WFDC9: variants seen among roughly 807,000 people sequenced by gnomAD.
WFDC9 encodes the protein protein WFDC9.
In WFDC9, 9 loss-of-function variants were observed where a neutral mutation model predicts 9.5. The observed-to-expected ratio is 0.95, with a 90% CI of 0.57 to 1.65. The LOEUF (loss-of-function observed/expected upper bound fraction) is 1.65. Among genes scored for constraint, WFDC9 ranks in the 40% most tolerant of loss-of-function variants. WFDC9 has a pLI of 0.00. For synonymous variants in WFDC9, 33 were observed against 32.3 expected (o/e 1.02, Z -0.07); for missense variants, 87 against 106.7 (o/e 0.82, Z 0.81).
chr20:45,614,373 C>A (rs1401495123), intron 2 of WFDC9, among the ~76,000 whole-genome samples: 2 of 152,148 alleles, frequency 1.3e-5, no homozygotes, highest in Non-Finnish European at 2.9e-5. Context: ...TGCTCTCCAC[C>A]AATCTGGCTT....
intron 1 of WFDC9, chr20:45,629,786 A>C (rs763518488): frequency 6.2e-7 from 1 of 1,609,534 alleles, no homozygotes; most frequent in Admixed American, 1.7e-5. Context: ...ACCTGGCCAG[A>C]CATAGGGCTC....
intron 1 of WFDC9, among the ~76,000 whole-genome samples, chr20:45,621,409 A>G (rs990966855): frequency 1.3e-5 from 2 of 152,186 alleles, no homozygotes; most frequent in Admixed American, 6.5e-5. Flanking sequence ...ACTTCTCACT[A>G]TGCAAAATTG....
intron 1 of WFDC9, 65 bp downstream of exon 1, chr20:45,631,138 C>G: frequency 8.4e-7 from 1 of 1,192,154 alleles, no homozygotes; most frequent in Non-Finnish European, 1.1e-6. Flanking sequence ...GGAATGCCGC[C>G]CTCTCTACTG....
Position 45,631,248 on chromosome 20 carries a change from C to A in WFDC9, c.-198G>T. 1 of 375,020 alleles carries A rather than the reference C, an allele frequency of 2.7e-6. No individual in the cohort carries two copies. The highest frequency in any genetic ancestry group is 4.7e-6 in the Non-Finnish European group (1 of 214,538). 23.2% of individuals were successfully genotyped at this position (375,020 alleles called of 1,614,324 possible). On this transcript the variant is annotated 5_prime_UTR_variant, in exon 1 of 5. Coordinates refer to ENST00000326000, the MANE Select transcript of WFDC9 (RefSeq NM_147198.4). ...ATGATCATTGAGAGCTCACTGTGGC[C>A]CCTACAGATGCCCCACTTGTCTTGC...
At chr20:45,613,749 A>G (rs1981912492) in intron 2 of WFDC9, among the ~76,000 whole-genome samples, 1 of 152,156 alleles carries the variant, frequency 6.6e-6, no homozygotes, top group African/African-American at 2.4e-5. Flanking sequence ...CTAGCTAGCA[A>G]TGGCAAGATA....
intron 2 of WFDC9, among the ~76,000 whole-genome samples, chr20:45,610,709 G>A (rs1745044139): frequency 6.6e-6 from 1 of 152,124 alleles, no homozygotes; most frequent in Non-Finnish European, 1.5e-5. Context: ...ATTTAAGAGG[G>A]AATTACAGAT....
chr20:45,615,427 A>T (rs1303267168), intron 1 of WFDC9, among the ~76,000 whole-genome samples: 1 of 152,198 alleles, frequency 6.6e-6, no homozygotes, highest in East Asian at 1.9e-4. Flanking sequence ...GCCTGTCTGC[A>T]GGAATATTAT....
At position 45,619,003 on chromosome 20, in the gene WFDC9, G is replaced by T. The variant is rs144712328; in HGVS notation, c.-152-4282C>A. ...TGTTGAGTGCACTGAGGGGCAGGAA[G>T]TATATGTCTGGACTCCAGGGACTTG... is the stretch of plus-strand genomic sequence containing the variant. On this transcript the variant is annotated intron_variant, in intron 1 of 4. Coordinates refer to ENST00000326000, the MANE Select transcript of WFDC9 (RefSeq NM_147198.4). Among the ~76,000 whole-genome samples the T allele has an allele frequency of 4.0e-3, 603 of 152,304 alleles. 4 individuals are homozygous for T. Among genetic ancestry groups the T allele is most frequent in the African/African-American group, 0.013 (559 of 41,558 alleles).
At chr20:45,624,146 C>T (rs1458572446) in intron 1 of WFDC9, among the ~76,000 whole-genome samples, 1 of 152,134 alleles carries the variant, frequency 6.6e-6, no homozygotes, top group African/African-American at 2.4e-5. Flanking sequence ...GAGTCGAGAT[C>T]GTCCCACCGC....
In WFDC9 at chr20:45,608,231, C is replaced by A; in HGVS notation, c.240-91G>T. ...ATCCTAGGCCCCAGATGAAAAAGGACAGCAATTCTTCTGCTAAATCAGAAG... is the reference window on the plus strand; with the variant it reads ...ATCCTAGGCCCCAGATGAAAAAGGAAAGCAATTCTTCTGCTAAATCAGAAG... On this transcript the variant is annotated intron_variant, in intron 4 of 4. Transcript: ENST00000326000. The A allele has an allele frequency of 3.6e-6, 5 of 1,402,446 alleles. No individual in the cohort carries two copies. In the South Asian group the frequency reaches 6.2e-5, roughly 17 times the overall value. The allele number at this position is 1,402,446 out of a possible 1,614,324, so 86.9% of individuals were successfully genotyped here.
At chr20:45,620,012 C>T (rs759113217) in intron 1 of WFDC9, among the ~76,000 whole-genome samples, 5 of 151,662 alleles carry the variant, frequency 3.3e-5, no homozygotes, top group African/African-American at 7.3e-5. Flanking sequence ...GGTCACAGAG[C>T]GAGACTCTGT....
At chr20:45,631,065 T>C in intron 1 of WFDC9, 138 bp downstream of exon 1, 1 of 1,515,344 alleles carries the variant, frequency 6.6e-7, no homozygotes, top group East Asian at 2.4e-5. Flanking sequence ...AACTCCTCTA[T>C]CCAAGACTGT....
At chr20:45,610,265 G>T in intron 2 of WFDC9, 26 bp from the exon 3 acceptor site, 1 of 1,209,188 alleles carries the variant, frequency 8.3e-7, no homozygotes, top group Non-Finnish European at 1.2e-6. Flanking sequence ...AATGGATTGA[G>T]GAGAACAGGG....
chr20:45,618,099 T>A (rs1420609633), intron 1 of WFDC9, among the ~76,000 whole-genome samples: 3 of 152,232 alleles, frequency 2.0e-5, no homozygotes, highest in Non-Finnish European at 4.4e-5. Context: ...CAGCACTTGC[T>A]ACTTCACATT....
At chr20:45,613,185 T>G (rs924974028) in intron 2 of WFDC9, among the ~76,000 whole-genome samples, 2 of 152,238 alleles carry the variant, frequency 1.3e-5, no homozygotes, top group Non-Finnish European at 2.9e-5. Context: ...TCTCTGATGC[T>G]TCTCATTCCA....
intron 3 of WFDC9, 62 bp downstream of exon 3, chr20:45,610,029 A>T: frequency 7.4e-7 from 1 of 1,350,590 alleles, no homozygotes; most frequent in South Asian, 1.2e-5. Flanking sequence ...CAGGCCCTGG[A>T]TCAGCTACAA....
At chr20:45,624,069 G>A (rs754973242) in intron 1 of WFDC9, among the ~76,000 whole-genome samples, 1 of 152,256 alleles carries the variant, frequency 6.6e-6, no homozygotes, top group Non-Finnish European at 1.5e-5. Flanking sequence ...GCACGTGCCT[G>A]TAGTCCCAGC....
chr20:45,608,953 A>T (rs1019521354), intron 3 of WFDC9, 143 bp from the exon 4 acceptor site: 11 of 912,364 alleles, frequency 1.2e-5, no homozygotes, highest in Admixed American at 3.0e-5. Context: ...TCCTCAAATT[A>T]TAACCAGTGT....
intron 1 of WFDC9, among the ~76,000 whole-genome samples, chr20:45,617,436 C>T (rs1442550160): frequency 6.6e-6 from 1 of 152,162 alleles, no homozygotes; most frequent in Non-Finnish European, 1.5e-5. Flanking sequence ...GCCTGGGTGA[C>T]AGAGCGAGAC....
Sources: allele counts gnomAD v4.1 joint callset (sites outside exome capture counted in the v4.1 genomes callset), GRCh38; gene constraint gnomAD v4.1.1; transcripts MANE v1.5; gene names NCBI Gene and HGNC (gene_info 2026-07-23, HGNC 2026-07-21).